PDZRN3: variants seen among roughly 807,000 people sequenced by gnomAD.
The protein encoded by PDZRN3 is E3 ubiquitin-protein ligase PDZRN3.
PDZRN3 carries 38 observed loss-of-function variants against 85.7 expected under a neutral mutation model. The ratio of observed to expected loss-of-function variants is 0.44; its 90% confidence interval spans 0.34 to 0.58. PDZRN3 has a LOEUF of 0.58. PDZRN3 is among the 20% of genes least tolerant of loss of function. The probability of loss-of-function intolerance (pLI) is 0.01; values close to 1 mark genes in which losing one functional copy is unlikely to be tolerated. For synonymous variants in PDZRN3, 759 were observed against 638.0 expected, an observed-to-expected ratio of 1.19 and a Z score of -2.86; for missense variants, 1,629 against 1,506.4, an observed-to-expected ratio of 1.08 and a Z score of -1.35.
chr3:73,410,930 T>C (rs982522835), intron 3 of PDZRN3, among the ~76,000 whole-genome samples: 10 of 152,224 alleles, frequency 6.6e-5, no homozygotes, highest in Non-Finnish European at 1.2e-4. Context: ...TTACAGGTGA[T>C]AATTTGAAGC....
intron 3 of PDZRN3, among the ~76,000 whole-genome samples, chr3:73,520,315 G>A (rs1704334440): frequency 6.6e-6 from 1 of 152,034 alleles, no homozygotes; most frequent in African/African-American, 2.4e-5. Context: ...GAGGAGCCTG[G>A]GCAACATGGT....
At chr3:73,487,244 A>T (rs535608903) in intron 3 of PDZRN3, among the ~76,000 whole-genome samples, 19 of 152,232 alleles carry the variant, frequency 1.2e-4, no homozygotes, top group East Asian at 3.9e-4. Context: ...TTCTAGAAAA[A>T]TTTTTTTTAA....
chr3:73,476,666 C>T (rs1046040158), intron 3 of PDZRN3, among the ~76,000 whole-genome samples: 7 of 152,210 alleles, frequency 4.6e-5, no homozygotes, highest in East Asian at 1.9e-4. Flanking sequence ...CTTGTACACA[C>T]GTACCCTCTC....
chr3:73,616,787 T>G (rs190411102), intron 1 of PDZRN3, among the ~76,000 whole-genome samples: 60 of 152,312 alleles, frequency 3.9e-4, no homozygotes, highest in African/African-American at 1.3e-3. Flanking sequence ...TCTCATTTCA[T>G]CTTAATAACA....
intron 3 of PDZRN3, among the ~76,000 whole-genome samples, chr3:73,434,618 G>A (rs1291220913): frequency 6.6e-6 from 1 of 152,198 alleles, no homozygotes; most frequent in Non-Finnish European, 1.5e-5. Flanking sequence ...AGGAAGAGAA[G>A]CAGTCAGCTT....
At chr3:73,562,426 A>G (rs1701838417) in intron 3 of PDZRN3, among the ~76,000 whole-genome samples, 1 of 152,194 alleles carries the variant, frequency 6.6e-6, no homozygotes, top group Admixed American at 6.5e-5. Flanking sequence ...TTAGATTGAA[A>G]TTAGACGTGG....
intron 3 of PDZRN3, among the ~76,000 whole-genome samples, chr3:73,536,033 G>T (rs151253758): frequency 6.6e-6 from 1 of 152,204 alleles, no homozygotes; most frequent in Non-Finnish European, 1.5e-5. Context: ...AACAATAAAT[G>T]TGATTGAGCT....
At chr3:73,460,246 T>C (rs1302306524) in intron 3 of PDZRN3, among the ~76,000 whole-genome samples, 1 of 152,220 alleles carries the variant, frequency 6.6e-6, no homozygotes, top group African/African-American at 2.4e-5. Flanking sequence ...ATCCTGTCAC[T>C]GAAAAAATAT....
chr3:73,572,347 C>T (rs1702056703), intron 3 of PDZRN3, among the ~76,000 whole-genome samples: 1 of 152,196 alleles, frequency 6.6e-6, no homozygotes, highest in Non-Finnish European at 1.5e-5. Flanking sequence ...GCTGCTAGCT[C>T]AGTTTTATGG....
At chr3:73,592,504 T>C (rs1310007007) in intron 3 of PDZRN3, among the ~76,000 whole-genome samples, 3 of 151,988 alleles carry the variant, frequency 2.0e-5, no homozygotes, top group East Asian at 3.9e-4. Flanking sequence ...TAAAGAGAAT[T>C]AGAAGAGCCT....
intron 3 of PDZRN3, among the ~76,000 whole-genome samples, chr3:73,430,365 C>T (rs1702406728): frequency 6.6e-6 from 1 of 152,200 alleles, no homozygotes; most frequent in African/African-American, 2.4e-5. Flanking sequence ...CAATGTGCTA[C>T]TCATAATTTC....
intron 3 of PDZRN3, among the ~76,000 whole-genome samples, chr3:73,571,438 T>C (rs901483733): frequency 2.0e-5 from 3 of 152,202 alleles, no homozygotes; most frequent in Admixed American, 6.5e-5. Flanking sequence ...CTGTTTTCAT[T>C]ATAGATCCTT....
intron 3 of PDZRN3, among the ~76,000 whole-genome samples, chr3:73,564,100 T>G (rs1365868265): frequency 6.6e-6 from 1 of 152,176 alleles, no homozygotes; most frequent in African/African-American, 2.4e-5. Flanking sequence ...TCTGCCTGAG[T>G]CATGCCTTCT....
rs572621753 is a variant in PDZRN3 at position 73,404,020 on chromosome 3, A to G, written c.1166+128T>C. 18 of 823,152 alleles carry G rather than the reference A, an allele frequency of 2.2e-5. No individual in the cohort carries two copies. The East Asian group carries it at 4.3e-4, about 20-fold the overall frequency. The allele number at this position is 823,152 out of a possible 1,614,324, so 51.0% of individuals were successfully genotyped here. The stretch of plus-strand genomic sequence containing the variant: ...TCGATTTATTGCCTCTATAAACAAT[A>G]AAGTTAAACATGGGCAACTTGGAGG... On this transcript the variant is annotated intron_variant, in intron 4 of 9. Coordinates refer to ENST00000263666, the MANE Select transcript of PDZRN3 (RefSeq NM_015009.3).
chr3:73,454,658 G>T (rs1702942730), intron 3 of PDZRN3, among the ~76,000 whole-genome samples: 2 of 152,162 alleles, frequency 1.3e-5, no homozygotes, highest in Non-Finnish European at 2.9e-5. Context: ...GACCAAGGAG[G>T]CCAAGAATAA....
At chr3:73,438,302 G>A (rs1434465205) in intron 3 of PDZRN3, among the ~76,000 whole-genome samples, 5 of 152,242 alleles carry the variant, frequency 3.3e-5, no homozygotes, top group Admixed American at 6.5e-5. Flanking sequence ...GGGTGCTACA[G>A]ACAGTCAGCA....
chr3:73,607,219 T>C (rs1020973745), intron 2 of PDZRN3, among the ~76,000 whole-genome samples: 3 of 152,230 alleles, frequency 2.0e-5, no homozygotes, highest in Admixed American at 6.5e-5. Flanking sequence ...ATACTTCACA[T>C]TTTCTTCATA....
intron 1 of PDZRN3, among the ~76,000 whole-genome samples, chr3:73,609,228 AC>A (rs1702647539): frequency 1.3e-5 from 2 of 152,142 alleles, no homozygotes; most frequent in Non-Finnish European, 2.9e-5. Flanking sequence ...CCTGAATCTT[AC>A]TGAAAAGGGG....
Position 73,485,795 on chromosome 3 carries a change from T to C in PDZRN3, c.919-81400A>G, listed in dbSNP as rs114511989. On this transcript the variant is annotated intron_variant, in intron 3 of 9. Coordinates refer to ENST00000263666, the MANE Select transcript of PDZRN3 (RefSeq NM_015009.3). The stretch of plus-strand genomic sequence containing the variant: ...AGGGAAACTGGCAGGTAATCTGATA[T>C]GTGTTAGCCTATCCATCTCCACTTG... Among the ~76,000 whole-genome samples, 240 of 152,314 alleles carry C rather than the reference T, an allele frequency of 1.6e-3. 1 individual carries two copies. The highest frequency in any genetic ancestry group is 4.4e-3 in the African/African-American group (181 of 41,556).
Sources: allele counts gnomAD v4.1 joint callset (sites outside exome capture counted in the v4.1 genomes callset), GRCh38; gene constraint gnomAD v4.1.1; transcripts MANE v1.5; gene names NCBI Gene and HGNC (gene_info 2026-07-23, HGNC 2026-07-21).